The following NPAS3 variants were observed in gnomAD, a reference collection of about 807,000 sequenced individuals.
NPAS3 encodes neuronal PAS domain-containing protein 3.
In NPAS3, 14 loss-of-function variants were observed where a neutral mutation model predicts 73.1. The observed-to-expected ratio is 0.19, with a 90% CI of 0.13 to 0.30. NPAS3 has a LOEUF of 0.30. Among genes scored for constraint, NPAS3 ranks in the 10% least tolerant of loss-of-function variants. NPAS3 has a pLI of 1.00. For synonymous variants in NPAS3, 620 were observed against 541.5 expected, an observed-to-expected ratio of 1.14 and a Z score of -2.01; for missense variants, 1,096 against 1,250.0, an observed-to-expected ratio of 0.88 and a Z score of 1.86.
At chr14:33,219,533 TG>T (rs772242853) in intron 3 of NPAS3, among the ~76,000 whole-genome samples, 1 of 152,212 alleles carries the variant, frequency 6.6e-6, no homozygotes, top group Non-Finnish European at 1.5e-5. Context: ...AGATATCTGG[TG>T]ATTAAAATTG....
At chr14:33,476,605 T>A (rs758339468) in intron 4 of NPAS3, among the ~76,000 whole-genome samples, 33 of 152,216 alleles carry the variant, frequency 2.2e-4, no homozygotes, top group Admixed American at 6.5e-4. Flanking sequence ...AGTATTTTTT[T>A]ATTCATTTTC....
At chr14:33,766,225 G>C (rs1327642083) in intron 7 of NPAS3, among the ~76,000 whole-genome samples, 1 of 152,158 alleles carries the variant, frequency 6.6e-6, no homozygotes, top group South Asian at 2.1e-4. Context: ...ATGTCAAGGA[G>C]AGGAGATAAG....
At chr14:33,375,940 C>T (rs985875585) in intron 4 of NPAS3, among the ~76,000 whole-genome samples, 12 of 152,242 alleles carry the variant, frequency 7.9e-5, no homozygotes, top group Non-Finnish European at 1.3e-4. Context: ...GCTTTAATGA[C>T]GTAAGCATCA....
At chr14:33,184,992 A>G (rs540383725) in intron 2 of NPAS3, among the ~76,000 whole-genome samples, 4 of 152,276 alleles carry the variant, frequency 2.6e-5, no homozygotes, top group African/African-American at 9.6e-5. Flanking sequence ...ACTGTTATCC[A>G]GTTGGCTTTA....
chr14:33,576,669 C>T (rs961211189), intron 5 of NPAS3, among the ~76,000 whole-genome samples: 3 of 152,188 alleles, frequency 2.0e-5, no homozygotes, highest in African/African-American at 7.2e-5. Context: ...CAGATGTTCA[C>T]CTTTATTCAC....
intron 4 of NPAS3, among the ~76,000 whole-genome samples, chr14:33,498,599 C>T (rs149820200): frequency 1.1e-4 from 17 of 152,138 alleles, no homozygotes; most frequent in Admixed American, 2.6e-4. Flanking sequence ...GAACAAAAAA[C>T]CAAACACCGC....
At position 33,800,305 on chromosome 14, in the gene NPAS3, C is replaced by A; in HGVS notation, c.1998C>A (p.Asn666Lys). ...TCGACAATGACAGCAGCATCTGGAA[C>A]TACCCGCCCAACCGGGAGATCTCCA... is the stretch of plus-strand genomic sequence containing the variant. Residue 666 changes from asparagine (N) to lysine (K), a missense_variant, in exon 12 of 12, where the codon AAC becomes AAA. Transcript: ENST00000356141. The surrounding 1 kb of genome is among the most constrained non-coding windows in gnomAD (Gnocchi z 6.5). 6.2e-7 allele frequency: 1 copy of A among 1,613,450 alleles called. No individual in the cohort carries two copies. The highest frequency in any genetic ancestry group is 2.2e-5 in the East Asian group (1 of 44,816).
intron 6 of NPAS3, among the ~76,000 whole-genome samples, chr14:33,709,478 G>A (rs368970316): frequency 4.1e-4 from 63 of 152,286 alleles, no homozygotes; most frequent in South Asian, 2.7e-3. Flanking sequence ...TAACTCGGGA[G>A]GGCAAGAGTT....
intron 2 of NPAS3, among the ~76,000 whole-genome samples, chr14:33,179,021 G>C: frequency 6.6e-6 from 1 of 151,980 alleles, no homozygotes; most frequent in Non-Finnish European, 1.5e-5. Context: ...TTTAAATAAT[G>C]ATGTTTACTT....
intron 5 of NPAS3, among the ~76,000 whole-genome samples, chr14:33,610,719 T>C (rs1054086647): frequency 1.3e-5 from 2 of 152,226 alleles, no homozygotes; most frequent in Non-Finnish European, 1.5e-5. Flanking sequence ...TCTATCCTAA[T>C]CCCAGTATCA....
At chr14:33,196,560 C>T (rs1175294968) in intron 2 of NPAS3, among the ~76,000 whole-genome samples, 2 of 152,100 alleles carry the variant, frequency 1.3e-5, no homozygotes, top group Admixed American at 6.5e-5. Flanking sequence ...GGCTCTCCAG[C>T]GGGATAAGAC....
intron 2 of NPAS3, among the ~76,000 whole-genome samples, chr14:33,127,454 G>A (rs182354587): frequency 3.3e-5 from 5 of 152,102 alleles, no homozygotes; most frequent in East Asian, 1.9e-4. Flanking sequence ...TTGCATTTCC[G>A]GCATAAAACC....
At chr14:33,577,865 C>T (rs1487533062) in intron 5 of NPAS3, among the ~76,000 whole-genome samples, 2 of 152,226 alleles carry the variant, frequency 1.3e-5, no homozygotes, top group Non-Finnish European at 2.9e-5. Context: ...GCTTGAAATT[C>T]TGAACCTGCA....
At chr14:33,602,529 C>A (rs2057431654) in intron 5 of NPAS3, among the ~76,000 whole-genome samples, 2 of 152,228 alleles carry the variant, frequency 1.3e-5, no homozygotes, top group South Asian at 4.1e-4. Context: ...TCTCTCCCAG[C>A]AGGCATCCTG....
intron 4 of NPAS3, among the ~76,000 whole-genome samples, chr14:33,391,733 G>C (rs2047015333): frequency 1.3e-5 from 2 of 152,126 alleles, no homozygotes; most frequent in South Asian, 4.1e-4. Context: ...TGAGGCCAAT[G>C]GTAATAACCT....
intron 4 of NPAS3, among the ~76,000 whole-genome samples, chr14:33,491,525 G>A (rs190321522): frequency 2.6e-5 from 4 of 152,220 alleles, no homozygotes; most frequent in African/African-American, 9.6e-5. Context: ...TGCAACTGAG[G>A]AGCTGAATTT....
intron 5 of NPAS3, among the ~76,000 whole-genome samples, chr14:33,571,313 T>G (rs533674714): frequency 6.6e-6 from 1 of 152,330 alleles, no homozygotes; most frequent in Admixed American, 6.5e-5. Context: ...TTCTTTAAAA[T>G]GTGTGCTCTC....
At chr14:33,033,363 C>T (rs1485756927) in intron 1 of NPAS3, among the ~76,000 whole-genome samples, 2 of 151,932 alleles carry the variant, frequency 1.3e-5, no homozygotes, top group East Asian at 3.9e-4. Context: ...CCTGTAATCC[C>T]AGCTACTCAG....
At chr14:33,069,604 C>T (rs758292012) in intron 2 of NPAS3, among the ~76,000 whole-genome samples, 1 of 152,162 alleles carries the variant, frequency 6.6e-6, no homozygotes, top group African/African-American at 2.4e-5. Flanking sequence ...CCACCTTTCT[C>T]ATTTGCGAAA....
Sources: gnomAD v4.1 joint callset for allele counts (sites outside exome capture counted in the v4.1 genomes callset) on GRCh38, gnomAD v4.1.1 for gene constraint, Gnocchi (gnomAD v3.1) non-coding constraint, MANE v1.5 for transcripts, NCBI Gene and HGNC (gene_info 2026-07-23, HGNC 2026-07-21) for gene names.